URB2: variants seen among roughly 807,000 people sequenced by gnomAD.
The protein encoded by URB2 is unhealthy ribosome biogenesis protein 2 homolog.
Under a neutral mutation model 120.9 loss-of-function variants are expected in URB2, and 86 were observed. That is an observed-to-expected ratio of 0.71 (90% CI 0.60 to 0.85). The LOEUF is 0.85. URB2 is among the 40% of genes least tolerant of loss of function. The probability of loss-of-function intolerance (pLI) is 0.00; values close to 1 mark genes in which losing one functional copy is unlikely to be tolerated. For synonymous variants in URB2, 755 were observed against 758.4 expected (o/e 1.00, Z 0.07); for missense variants, 1,765 against 1,836.5 (o/e 0.96, Z 0.71).
chr1:229,642,629 C>T (rs939689843), intron 4 of URB2, among the ~76,000 whole-genome samples: 12 of 152,154 alleles, frequency 7.9e-5, no homozygotes, highest in Non-Finnish European at 1.5e-4. Flanking sequence ...TGATGGGGAA[C>T]AGCTGGGTGA....
At chr1:229,652,369 G>C (rs1016820005) in intron 8 of URB2, among the ~76,000 whole-genome samples, 3 of 152,142 alleles carry the variant, frequency 2.0e-5, no homozygotes, top group Middle Eastern at 3.2e-3. Flanking sequence ...TGTGACCGTA[G>C]TTGTGGGCCG....
chr1:229,651,196 C>A, intron 7 of URB2, 39 bp from the exon 8 acceptor site: 2 of 1,534,234 alleles, frequency 1.3e-6, no homozygotes, highest in South Asian at 1.3e-5. Flanking sequence ...CTTAAATAAT[C>A]ACGTATGTAC....
In URB2 at chr1:229,636,119, C is replaced by T. The variant is rs1239508654; in HGVS notation, c.1506C>T (p.Leu502=). 6.2e-6 allele frequency: 10 copies of T among 1,614,144 alleles called. No individual in the cohort carries two copies. Among genetic ancestry groups the T allele is most frequent in the Non-Finnish European group, 8.5e-6 (10 of 1,180,068 alleles). ...SGPSTVLSAC[L]LELPPSQILD... Reference sequence around the variant, plus strand: ...CCTCCACGGTACTCTCTGCATGCCTCCTGGAGCTGCCTCCAAGTCAGATCC... The same window carrying T: ...CCTCCACGGTACTCTCTGCATGCCTTCTGGAGCTGCCTCCAAGTCAGATCC... The change falls in exon 4 of 10, where the codon CTC becomes CTT. Residue 502 remains leucine (L), a synonymous_variant. Coordinates refer to ENST00000258243, the MANE Select transcript of URB2 (RefSeq NM_014777.4).
chr1:229,636,862 T>C lies in URB2; in HGVS notation c.2249T>C (p.Leu750Ser). The change falls in exon 4 of 10, where the codon TTA becomes TCA. Residue 750 changes from leucine (L) to serine (S), a missense_variant. Leu to Ser is a moderately radical substitution (Grantham distance 145, BLOSUM62 -2). Transcript: ENST00000258243. ...TTGATTGTGTCAAATCTCACAATTT[T>C]AATATCCTATCTGTGTCCAGATGAT... ...WHLIVSNLTILISYLCPDDVG... is the reference protein window; with the variant it reads ...WHLIVSNLTISISYLCPDDVG... 6.2e-6 allele frequency: 10 copies of C among 1,611,256 alleles called. No homozygotes were observed. The highest frequency in any genetic ancestry group is 8.5e-6 in the Non-Finnish European group (10 of 1,177,822).
intron 2 of URB2, among the ~76,000 whole-genome samples, chr1:229,630,860 T>C (rs558338776): frequency 3.3e-5 from 5 of 151,334 alleles, no homozygotes; most frequent in African/African-American, 1.2e-4. Flanking sequence ...CGGGCACCTG[T>C]AATCCCAGCT....
In URB2 at chr1:229,639,273, G is replaced by T. The variant is rs564269684; in HGVS notation, c.3634+1026G>T. Among the ~76,000 whole-genome samples, 88 of 151,986 alleles carry T rather than the reference G, an allele frequency of 5.8e-4. 2 individuals are homozygous for T. Among genetic ancestry groups the T allele is most frequent in the African/African-American group, 2.1e-3 (86 of 41,458 alleles). ...ATCCTGCCATTGTACTCCAGCCTGG[G>T]TGACACAGTGAGATCCTGTCTCATA... is the stretch of plus-strand genomic sequence containing the variant. On this transcript the variant is annotated intron_variant, in intron 4 of 9. Coordinates refer to ENST00000258243, the MANE Select transcript of URB2 (RefSeq NM_014777.4).
chr1:229,634,850 A>C, intron 3 of URB2, 67 bp from the exon 4 acceptor site: 1 of 1,346,774 alleles, frequency 7.4e-7, no homozygotes, highest in Non-Finnish European at 9.7e-7. Flanking sequence ...TTTTTTTTTT[A>C]ATACTTTTCT....
rs1326880986 is a variant in URB2, at chr1:229,635,387, C to G, written c.774C>G (p.Leu258=). The change falls in exon 4 of 10, where the codon CTC becomes CTG. Residue 258 remains leucine (L), a synonymous_variant. Transcript: ENST00000258243. ...PELLSSYKEG[L]LDQQQGDVKT... is the part of the protein sequence containing the mutation. ...TACTGTCATCCTACAAGGAGGGGCT[C>G]TTGGACCAGCAGCAAGGGGATGTGA... is the stretch of plus-strand genomic sequence containing the variant. 6.2e-7 allele frequency: 1 copy of G among 1,614,132 alleles called. No homozygotes were observed. The highest frequency in any genetic ancestry group is 2.2e-5 in the East Asian group (1 of 44,890).
intron 9 of URB2, among the ~76,000 whole-genome samples, chr1:229,657,949 G>A (rs1025443634): frequency 1.3e-5 from 2 of 152,166 alleles, no homozygotes; most frequent in Admixed American, 6.5e-5. Context: ...TATCAGGGTA[G>A]CAATAAATGA....
At chr1:229,633,086 G>C (rs1466953742) in intron 3 of URB2, among the ~76,000 whole-genome samples, 1 of 152,208 alleles carries the variant, frequency 6.6e-6, no homozygotes, top group African/African-American at 2.4e-5. Flanking sequence ...GGCACAGCTG[G>C]GATTTGAACC....
At chr1:229,657,030 T>C (rs1209145686) in intron 9 of URB2, among the ~76,000 whole-genome samples, 5 of 152,218 alleles carry the variant, frequency 3.3e-5, no homozygotes, top group Non-Finnish European at 7.3e-5. Context: ...CTTGACTTAA[T>C]GATGCAGTTA....
At chr1:229,627,811 CT>C in intron 2 of URB2, 52 bp downstream of exon 2, 1 of 1,516,136 alleles carries the variant, frequency 6.6e-7, no homozygotes, top group Non-Finnish European at 8.9e-7. Flanking sequence ...ATAATTATCA[CT>C]TTTATAATTT....
At position 229,635,889 on chromosome 1, in the gene URB2, G is replaced by C; in HGVS notation, c.1276G>C (p.Asp426His). Residue 426 changes from aspartate (D) to histidine (H), a missense_variant, in exon 4 of 10, where the codon GAC becomes CAC. Physicochemically the swap from Asp to His is moderately conservative, Grantham distance 81. Transcript: ENST00000258243. ...TCTGAATCATTTGATTTTGGAGCCA[G>C]ACCTGGATGACCTGCTGGCTTCAGC... is the stretch of plus-strand genomic sequence containing the variant. ...ISLNHLILEP[D>H]LDDLLASAWI... 1 of 1,614,222 alleles carries C rather than the reference G, an allele frequency of 6.2e-7. No individual in the cohort carries two copies. The highest frequency in any genetic ancestry group is 8.5e-7 in the Non-Finnish European group (1 of 1,180,050).
At chr1:229,632,521 G>C in intron 3 of URB2, 76 bp downstream of exon 3, 4 of 1,303,444 alleles carry the variant, frequency 3.1e-6, no homozygotes. Context: ...ACTTGTTTTA[G>C]TGTCAATTGT....
At position 229,635,927 on chromosome 1, in the gene URB2, C is replaced by T. The variant is rs373639721; in HGVS notation, c.1314C>T (p.Ala438=). 14 of 1,614,046 alleles carry T rather than the reference C, an allele frequency of 8.7e-6. No individual in the cohort carries two copies. Among genetic ancestry groups the T allele is most frequent in the South Asian group, 3.3e-5 (3 of 91,088 alleles). ...TGCTGGCTTCAGCGTGGATCGATGC[C>T]GAGGTAACAGAGTTTCGAACCAAAA... is the stretch of plus-strand genomic sequence containing the variant. ...DDLLASAWID[A]EVTEFRTKKA... Residue 438 remains alanine, a synonymous_variant, in exon 4 of 10, where the codon GCC becomes GCT. Coordinates refer to ENST00000258243, the MANE Select transcript of URB2 (RefSeq NM_014777.4).
intron 2 of URB2, among the ~76,000 whole-genome samples, chr1:229,631,039 T>A (rs1665656196): frequency 6.6e-6 from 1 of 150,720 alleles, no homozygotes; most frequent in African/African-American, 2.4e-5. Context: ...AATAGAAGGC[T>A]GTTTCTTCTA....
At chr1:229,628,604 G>A (rs928698130) in intron 2 of URB2, among the ~76,000 whole-genome samples, 3 of 152,156 alleles carry the variant, frequency 2.0e-5, no homozygotes, top group African/African-American at 7.2e-5. Context: ...CTGTTGGTTG[G>A]TGGTGCTTTG....
rs1323173049 is a variant in URB2 at position 229,638,079 on chromosome 1, G to C, written c.3466G>C (p.Gly1156Arg). Reference sequence around the variant, plus strand: ...GCTCTCCCATGTTGCCCTCTACCAGGGTGTTTACTCTCAGATACTGTTGGA... The same window carrying C: ...GCTCTCCCATGTTGCCCTCTACCAGCGTGTTTACTCTCAGATACTGTTGGA... ...TLLSHVALYQ[G>R]VYSQILLELP... Residue 1156 changes from glycine to arginine, a missense_variant, in exon 4 of 10, where the codon GGT becomes CGT. By Grantham distance (125) the Gly-to-Arg change is moderately radical (BLOSUM62 -2). Coordinates refer to ENST00000258243, the MANE Select transcript of URB2 (RefSeq NM_014777.4). 2 of 1,614,082 alleles carry C rather than the reference G, an allele frequency of 1.2e-6. No homozygotes were observed. Among genetic ancestry groups the C allele is most frequent in the South Asian group, 2.2e-5 (2 of 91,092 alleles).
chr1:229,633,500 A>G (rs1665720970), intron 3 of URB2, among the ~76,000 whole-genome samples: 1 of 152,256 alleles, frequency 6.6e-6, no homozygotes, highest in African/African-American at 2.4e-5. Flanking sequence ...GATGAGTTGT[A>G]TCATCATCAA....
Sources: gnomAD v4.1 joint callset for allele counts (sites outside exome capture counted in the v4.1 genomes callset) on GRCh38, gnomAD v4.1.1 for gene constraint, MANE v1.5 for transcripts, NCBI Gene and HGNC (gene_info 2026-07-23, HGNC 2026-07-21) for gene names.